Variants in SPTBN5 observed in about 807,000 individuals in gnomAD.
SPTBN5 encodes the protein spectrin beta, non-erythrocytic 5.
SPTBN5 carries 513 observed loss-of-function variants against 477.6 expected under a neutral mutation model. That is an observed-to-expected ratio of 1.07 (90% CI 1.00 to 1.16). The LOEUF (loss-of-function observed/expected upper bound fraction) is 1.16, where lower values mean the gene tolerates loss of function less well. SPTBN5 is among the 50% of genes most tolerant of loss of function. The probability of loss-of-function intolerance (pLI) is 0.00; values close to 1 mark genes in which losing one functional copy is unlikely to be tolerated. For synonymous variants in SPTBN5, 2,169 were observed against 2,011.7 expected (o/e 1.08, Z -2.09); for missense variants, 5,062 against 4,731.8 (o/e 1.07, Z -2.05).
chr15:41,855,641 C>A lies in SPTBN5; in HGVS notation c.9126G>T (p.Glu3042Asp). 1 of 1,608,232 alleles carries A rather than the reference C, an allele frequency of 6.2e-7. No homozygotes were observed. Among genetic ancestry groups the A allele is most frequent in the Non-Finnish European group, 8.5e-7 (1 of 1,178,998 alleles). ...EATQALLRRLEATKRDLEAFS... is the reference protein window; with the variant it reads ...EATQALLRRLDATKRDLEAFS... ...ACGCTTCCAGGTCTCTCTTGGTGGC[C>A]TCCAGCCGCCGCAGAAGGGCCTGTG... Residue 3042 changes from glutamate (E) to aspartate (D), a missense_variant, in exon 54 of 68, where the codon GAG becomes GAT. Physicochemically the swap from Glu to Asp is conservative, Grantham distance 45. Transcript: ENST00000320955.
At chr15:41,884,069 T>C (rs1595507863) in intron 7 of SPTBN5, among the ~76,000 whole-genome samples, 1 of 152,230 alleles carries the variant, frequency 6.6e-6, no homozygotes, top group Non-Finnish European at 1.5e-5. Flanking sequence ...CACTGCCAGC[T>C]CCGCCTCCCA....
intron 35 of SPTBN5, 84 bp from the exon 36 acceptor site, chr15:41,867,210 A>G (rs1237979128): frequency 7.1e-7 from 1 of 1,409,826 alleles, no homozygotes; most frequent in East Asian, 2.5e-5. Context: ...CCTTTCTTTG[A>G]GGGCCCCGGA....
intron 7 of SPTBN5, 141 bp downstream of exon 7, chr15:41,885,590 GAGAT>G (rs1420362952): frequency 9.8e-7 from 1 of 1,017,614 alleles, no homozygotes; most frequent in African/African-American, 1.6e-5. Flanking sequence ...GCATCACTGG[GAGAT>G]AGATCTTTGT....
At chr15:41,875,374 C>T in intron 22 of SPTBN5, 84 bp downstream of exon 22, 1 of 1,463,264 alleles carries the variant, frequency 6.8e-7, no homozygotes, top group East Asian at 2.4e-5. Context: ...GTCAGCAGAA[C>T]ACCCAGACTT....
At chr15:41,862,727 C>T in intron 42 of SPTBN5, 63 bp downstream of exon 42, 1 of 1,542,132 alleles carries the variant, frequency 6.5e-7, no homozygotes, top group Non-Finnish European at 8.7e-7. Flanking sequence ...CCCTCCTCCC[C>T]ACTTGTGCCC....
chr15:41,867,585 G>T lies in SPTBN5; in HGVS notation c.6265C>A (p.Arg2089Ser), dbSNP rs778638478. Reference protein sequence around the residue: ...SSVEEVEQLIRKHEVFLKVLT... With the variant: ...SSVEEVEQLISKHEVFLKVLT... Reference sequence around the variant, plus strand: ...ACCTTCAGGAAGACCTCGTGCTTGCGAATCAACTGCTCTACCTCTTCCACC... The same window carrying T: ...ACCTTCAGGAAGACCTCGTGCTTGCTAATCAACTGCTCTACCTCTTCCACC... The change falls in exon 35 of 68, where the codon CGC (arginine) becomes AGC (serine). Residue 2089 changes from arginine to serine, a missense_variant. Physicochemically the swap from Arg to Ser is moderately radical, Grantham distance 110 (BLOSUM62 -1). Transcript: ENST00000320955. The T allele has an allele frequency of 5.0e-6, 8 of 1,613,672 alleles. No individual in the cohort carries two copies. In the Admixed American group the frequency reaches 1.2e-4, roughly 24 times the overall value.
At position 41,865,817 on chromosome 15, in the gene SPTBN5, G is replaced by C. The variant is rs373119492; in HGVS notation, c.6909C>G (p.Asn2303Lys). 4 of 1,561,570 alleles carry C rather than the reference G, an allele frequency of 2.6e-6. No homozygotes were observed. Among genetic ancestry groups the C allele is most frequent in the African/African-American group, 1.4e-5 (1 of 73,426 alleles). The change falls in exon 39 of 68, where the codon AAC becomes AAG. Residue 2303 changes from asparagine (N) to lysine (K), a missense_variant. By Grantham distance (94) the Asn-to-Lys change is moderately conservative (BLOSUM62 0). Coordinates refer to ENST00000320955, the MANE Select transcript of SPTBN5 (RefSeq NM_016642.4). Reference sequence around the variant, plus strand: ...AGCAAGGCCCTCTTACCCCGGCCGAGTTTCCTCGGAACTCGCGGAGCCGCC... The same window carrying C: ...AGCAAGGCCCTCTTACCCCGGCCGACTTTCCTCGGAACTCGCGGAGCCGCC... ...LRRRLREFRG[N>K]SAGDTVGDAC...
intron 6 of SPTBN5, 34 bp from the exon 7 acceptor site, chr15:41,886,400 T>C: frequency 6.5e-7 from 1 of 1,541,438 alleles, no homozygotes. Context: ...TCAGGGTCCT[T>C]CTCAGGGCAG....
chr15:41,880,806 T>C (rs544437402), intron 13 of SPTBN5, among the ~76,000 whole-genome samples: 1 of 152,316 alleles, frequency 6.6e-6, no homozygotes, highest in Non-Finnish European at 1.5e-5. Flanking sequence ...AGCTTAAAAG[T>C]CCTTCCCTCC....
chr15:41,874,762 G>A (rs192726560), intron 23 of SPTBN5, 80 bp downstream of exon 23: 27 of 1,412,244 alleles, frequency 1.9e-5, no homozygotes, highest in East Asian at 2.4e-5. Context: ...TGGACACCCC[G>A]GTCCTGTGGG....
rs370143331 is a variant in SPTBN5, at chr15:41,862,858, C to T, written c.7195G>A (p.Val2399Met). 1.4e-5 allele frequency: 23 copies of T among 1,590,540 alleles called. No homozygotes were observed. Among genetic ancestry groups the T allele is most frequent in the South Asian group, 4.6e-5 (4 of 86,884 alleles). ...ALDCGKDLES[V>M]QRLLRKHEEL... Reference sequence around the variant, plus strand: ...TCGTGTTTCCGCAGCAGCCTCTGCACGCTCTCCAGATCTTTCCCACAGTCC... The same window carrying T: ...TCGTGTTTCCGCAGCAGCCTCTGCATGCTCTCCAGATCTTTCCCACAGTCC... The change falls in exon 42 of 68, where the codon GTG becomes ATG. Residue 2399 changes from valine to methionine, a missense_variant. Val to Met is a conservative substitution (Grantham distance 21). Coordinates refer to ENST00000320955, the MANE Select transcript of SPTBN5 (RefSeq NM_016642.4).
chr15:41,888,921 C>A (rs539811250), intron 4 of SPTBN5, among the ~76,000 whole-genome samples: 1 of 152,330 alleles, frequency 6.6e-6, no homozygotes, highest in South Asian at 2.1e-4. Flanking sequence ...GCCCCAGTAC[C>A]CTGCATGGTG....
chr15:41,874,942 T>C lies in SPTBN5; in HGVS notation c.4402A>G (p.Ser1468Gly). ...GCCATCTTGGCAGCCAGGGTCCGGC[T>C]CTCACTCTCCAGCTGTTGGTGCCGT... ...QKRHQQLESESRTLAAKMAAL... is the reference protein window; with the variant it reads ...QKRHQQLESEGRTLAAKMAAL... The change falls in exon 23 of 68, where the codon AGC becomes GGC. Residue 1468 changes from serine to glycine, a missense_variant. By Grantham distance (56) the Ser-to-Gly change is moderately conservative. Coordinates refer to ENST00000320955, the MANE Select transcript of SPTBN5 (RefSeq NM_016642.4). The C allele has an allele frequency of 6.2e-7, 1 of 1,613,494 alleles. No individual in the cohort carries two copies. Among genetic ancestry groups the C allele is most frequent in the East Asian group, 2.2e-5 (1 of 44,860 alleles).
Position 41,887,920 on chromosome 15 carries a change from G to A in SPTBN5, c.659+8C>T. On this transcript the variant is annotated splice_region_variant and intron_variant, in intron 5 of 67. Coordinates refer to ENST00000320955, the MANE Select transcript of SPTBN5 (RefSeq NM_016642.4). ...GGCAGAGGCCTCCTGACAAGGGTGG[G>A]GTCACACCTGTGGGCATGGATGAGG... 1 of 1,607,540 alleles carries A rather than the reference G, an allele frequency of 6.2e-7. No homozygotes were observed. Among genetic ancestry groups the A allele is most frequent in the Non-Finnish European group, 8.5e-7 (1 of 1,177,334 alleles).
In SPTBN5 at chr15:41,882,106, C is replaced by T. The variant is rs1363977879; in HGVS notation, c.2287G>A (p.Glu763Lys). 3.8e-6 allele frequency: 6 copies of T among 1,573,724 alleles called. No individual in the cohort carries two copies. The highest frequency in any genetic ancestry group is 2.4e-5 in the East Asian group (1 of 42,552). Residue 763 changes from glutamate (E) to lysine (K), a missense_variant, in exon 12 of 68, where the codon GAG becomes AAG. Glu to Lys is a moderately conservative substitution (Grantham distance 56). Transcript: ENST00000320955. ...GCTCTCTCCAGCGAGGATCGCCGCT[C>T]GCGCAGCCACGAAGCCGCCTCCGCC... The part of the protein sequence containing the change: ...DAAEAASWLR[E>K]RRSSLERASC...
chr15:41,879,654 G>C, intron 15 of SPTBN5, 80 bp downstream of exon 15: 1 of 1,560,048 alleles, frequency 6.4e-7, no homozygotes, highest in Non-Finnish European at 8.6e-7. Context: ...CATCTGGCAT[G>C]GCGGGAGGCA....
At chr15:41,868,367 G>C in intron 33 of SPTBN5, 31 bp downstream of exon 33, 3 of 1,588,438 alleles carry the variant, frequency 1.9e-6, no homozygotes, top group Non-Finnish European at 2.6e-6. Context: ...GTCAGCTAGG[G>C]TATGTGGGGG....
In SPTBN5 at chr15:41,868,103, C is replaced by T; in HGVS notation, c.6173G>A (p.Cys2058Tyr). The T allele has an allele frequency of 6.2e-7, 1 of 1,603,788 alleles. No individual in the cohort carries two copies. The highest frequency in any genetic ancestry group is 8.5e-7 in the Non-Finnish European group (1 of 1,176,910). The part of the protein sequence containing the change: ...EQQEQLFLRE[C>Y]GRLEEILAAQ... ...CGCGAGGATCTCCTCCAGGCGGCCGCACTCTCTGAGGAAGAGCTGCTCCTG... is the reference window on the plus strand; with the variant it reads ...CGCGAGGATCTCCTCCAGGCGGCCGTACTCTCTGAGGAAGAGCTGCTCCTG... Residue 2058 changes from cysteine (C) to tyrosine (Y), a missense_variant, in exon 34 of 68, where the codon TGC becomes TAC. Cys to Tyr is a radical substitution (Grantham distance 194, BLOSUM62 -2). Transcript: ENST00000320955.
chr15:41,856,352 T>C (rs28495273), intron 53 of SPTBN5, 34 bp downstream of exon 53: 504,601 of 1,505,290 alleles, frequency 0.34, 88,877 homozygotes, highest in African/African-American at 0.52. Context: ...TGTTCCAGGC[T>C]TGCCTGCTGT....
Sources: gnomAD v4.1 joint callset for allele counts (sites outside exome capture counted in the v4.1 genomes callset) on GRCh38, gnomAD v4.1.1 for gene constraint, MANE v1.5 for transcripts, NCBI Gene and HGNC (gene_info 2026-07-23, HGNC 2026-07-21) for gene names.